The following PCSK2 variants were observed in gnomAD, a reference collection of about 807,000 sequenced individuals.
PCSK2 encodes neuroendocrine convertase 2.
In PCSK2, 14 loss-of-function variants were observed where a neutral mutation model predicts 69.7. That is an observed-to-expected ratio of 0.20 (90% confidence interval 0.13 to 0.31). The LOEUF (loss-of-function observed/expected upper bound fraction) is 0.31, where lower values mean the gene tolerates loss of function less well. Among genes scored for constraint, PCSK2 ranks in the 10% least tolerant of loss-of-function variants. The pLI, the probability that PCSK2 is intolerant of heterozygous loss-of-function variation, is 1.00. For missense variants in PCSK2, 544 were observed against 842.5 expected, an observed-to-expected ratio of 0.65 and a Z score of 4.39; for synonymous variants, 307 against 320.7, an observed-to-expected ratio of 0.96 and a Z score of 0.46.
chr20:17,446,744 A>G (rs567872674), intron 8 of PCSK2, among the ~76,000 whole-genome samples: 4 of 152,274 alleles, frequency 2.6e-5, no homozygotes, highest in Admixed American at 6.5e-5. Flanking sequence ...CAATATTCAT[A>G]AATCAATACA....
At chr20:17,257,949 A>G (rs1255959092) in intron 1 of PCSK2, among the ~76,000 whole-genome samples, 1 of 152,184 alleles carries the variant, frequency 6.6e-6, no homozygotes, top group Non-Finnish European at 1.5e-5. Flanking sequence ...TTGCTACTTC[A>G]GGAAATTGCA....
intron 2 of PCSK2, among the ~76,000 whole-genome samples, chr20:17,329,323 G>C (rs964628848): frequency 6.6e-6 from 1 of 151,972 alleles, no homozygotes; most frequent in Non-Finnish European, 1.5e-5. Flanking sequence ...CTAAAAAGAG[G>C]GTTATCATAA....
intron 6 of PCSK2, among the ~76,000 whole-genome samples, chr20:17,414,237 A>G (rs1240272961): frequency 6.6e-6 from 1 of 152,214 alleles, no homozygotes; most frequent in Non-Finnish European, 1.5e-5. Flanking sequence ...AAAATCGATG[A>G]ATCCAGGAGC....
At chr20:17,438,025 A>G (rs2032522167) in intron 8 of PCSK2, among the ~76,000 whole-genome samples, 1 of 151,436 alleles carries the variant, frequency 6.6e-6, no homozygotes, top group Non-Finnish European at 1.5e-5. Flanking sequence ...ACTCTCTGTA[A>G]TCAGCCTGGA....
chr20:17,274,516 A>G (rs1172860356), intron 2 of PCSK2, among the ~76,000 whole-genome samples: 1 of 152,150 alleles, frequency 6.6e-6, no homozygotes, highest in Non-Finnish European at 1.5e-5. Context: ...AGAGAAGCTA[A>G]AGAATTGTGA....
intron 2 of PCSK2, among the ~76,000 whole-genome samples, chr20:17,262,721 G>A (rs1382869368): frequency 6.6e-6 from 1 of 151,998 alleles, no homozygotes; most frequent in African/African-American, 2.4e-5. Context: ...CCCAATTTGG[G>A]GGTTCTCAAA....
chr20:17,477,978 A>G (rs1441342999), intron 11 of PCSK2, among the ~76,000 whole-genome samples: 1 of 152,186 alleles, frequency 6.6e-6, no homozygotes, highest in Non-Finnish European at 1.5e-5. Context: ...AACCCCACAT[A>G]ATAAGTCTTC....
Position 17,483,963 on chromosome 20 carries a change from G to A in PCSK2, c.*1893G>A, listed in dbSNP as rs2033454619. 6.6e-6 allele frequency: 1 copy of A among 152,380 alleles called. No individual in the cohort carries two copies. Among genetic ancestry groups the A allele is most frequent in the Admixed American group, 6.6e-5 (1 of 15,258 alleles). The allele number at this position is 152,380 out of a possible 1,614,324, so 9.4% of individuals were successfully genotyped here. ...TATATGTGTATATATACATACACTT[G>A]TATAAATGTATATACACATATACCT... On this transcript the variant is annotated 3_prime_UTR_variant, in exon 12 of 12. Coordinates refer to ENST00000262545, the MANE Select transcript of PCSK2 (RefSeq NM_002594.5).
Position 17,453,560 on chromosome 20 carries a change from T to C in PCSK2, c.886-182T>C, listed in dbSNP as rs2032865084. On this transcript the variant is annotated intron_variant, in intron 8 of 11. Transcript: ENST00000262545. The surrounding 1 kb of genome is among the most constrained non-coding windows in gnomAD (Gnocchi z 4.0). ...TGACTTTTTTAGATTGAATTCTTCC[T>C]GGAAAAAAAAAGTTTCCCACAATGC... is the stretch of plus-strand genomic sequence containing the variant. Among the ~76,000 whole-genome samples, 1 of 152,196 alleles carries C rather than the reference T, an allele frequency of 6.6e-6. No individual in the cohort carries two copies. Among genetic ancestry groups the C allele is most frequent in the Non-Finnish European group, 1.5e-5 (1 of 68,032 alleles).
intron 6 of PCSK2, among the ~76,000 whole-genome samples, chr20:17,421,380 C>T (rs2032122339): frequency 6.6e-6 from 1 of 152,140 alleles, no homozygotes; most frequent in Admixed American, 6.5e-5. Context: ...ATTCATTTCT[C>T]ATCTATTCTA....
chr20:17,480,372 G>A (rs958035887), intron 11 of PCSK2, among the ~76,000 whole-genome samples: 1 of 151,664 alleles, frequency 6.6e-6, no homozygotes, highest in Non-Finnish European at 1.5e-5. Context: ...CGTATTTTTA[G>A]TAGAGACAGG....
At chr20:17,439,400 G>T (rs1032687223) in intron 8 of PCSK2, among the ~76,000 whole-genome samples, 1 of 152,074 alleles carries the variant, frequency 6.6e-6, no homozygotes, top group African/African-American at 2.4e-5. Flanking sequence ...GGGATTACAA[G>T]CATGCACCAC....
chr20:17,291,590 T>C (rs977844762), intron 2 of PCSK2, among the ~76,000 whole-genome samples: 68 of 152,208 alleles, frequency 4.5e-4, no homozygotes, highest in African/African-American at 1.6e-3. Context: ...AGGGTATATA[T>C]ATTTGTAATT....
intron 7 of PCSK2, among the ~76,000 whole-genome samples, chr20:17,435,878 C>T (rs1223829217): frequency 1.3e-5 from 2 of 152,194 alleles, no homozygotes; most frequent in African/African-American, 4.8e-5. Flanking sequence ...CTGGAGAGGC[C>T]TTTGTGGATG....
intron 2 of PCSK2, among the ~76,000 whole-genome samples, chr20:17,350,843 G>C (rs2029960492): frequency 6.6e-6 from 1 of 152,058 alleles, no homozygotes; most frequent in South Asian, 2.1e-4. Context: ...AGGAATTCGA[G>C]ACCAGCTTGG....
In PCSK2 at chr20:17,482,672, T is replaced by A. The variant is rs2033430655; in HGVS notation, c.*602T>A. On this transcript the variant is annotated 3_prime_UTR_variant, in exon 12 of 12. Coordinates refer to ENST00000262545, the MANE Select transcript of PCSK2 (RefSeq NM_002594.5). ...CCTAGTTACTGCATGGGGAAAGAGATCCAGGAAGCATGAGTGCTGGATATT... is the reference window on the plus strand; with the variant it reads ...CCTAGTTACTGCATGGGGAAAGAGAACCAGGAAGCATGAGTGCTGGATATT... 6.6e-6 allele frequency: 1 copy of A among 152,240 alleles called. No homozygotes were observed. The highest frequency in any genetic ancestry group is 6.5e-5 in the Admixed American group (1 of 15,270). 9.4% of individuals were successfully genotyped at this position (152,240 alleles called of 1,614,324 possible).
At chr20:17,276,907 G>A (rs6131929) in intron 2 of PCSK2, among the ~76,000 whole-genome samples, 13,307 of 151,910 alleles carry the variant, frequency 0.088, 702 homozygotes, top group African/African-American at 0.13. Context: ...AATCACAAGC[G>A]TTCTTATACA....
intron 2 of PCSK2, among the ~76,000 whole-genome samples, chr20:17,293,159 A>G (rs1171816847): frequency 6.6e-6 from 1 of 152,222 alleles, no homozygotes; most frequent in Admixed American, 6.5e-5. Flanking sequence ...TTGCTAATAC[A>G]TAGAAAAGCT....
intron 2 of PCSK2, among the ~76,000 whole-genome samples, chr20:17,323,241 G>C (rs1989930035): frequency 6.6e-6 from 1 of 152,160 alleles, no homozygotes; most frequent in Non-Finnish European, 1.5e-5. Flanking sequence ...TCAGACCATA[G>C]CAAATAGTGT....
Sources: allele counts gnomAD v4.1 joint callset (sites outside exome capture counted in the v4.1 genomes callset), GRCh38; gene constraint gnomAD v4.1.1; non-coding constraint Gnocchi (gnomAD v3.1); transcripts MANE v1.5; gene names NCBI Gene and HGNC (gene_info 2026-07-23, HGNC 2026-07-21).